The following UFD1 variants were observed in gnomAD, a reference collection of about 807,000 sequenced individuals.
UFD1 encodes ubiquitin recognition factor in ER associated degradation 1.
Under a neutral mutation model 45.9 loss-of-function variants are expected in UFD1, and 13 were observed. The ratio of observed to expected loss-of-function variants is 0.28; its 90% confidence interval spans 0.18 to 0.45. UFD1 has a LOEUF of 0.45. Among genes scored for constraint, UFD1 ranks in the 20% least tolerant of loss-of-function variants. The probability of loss-of-function intolerance (pLI) is 1.00; values close to 1 mark genes in which losing one functional copy is unlikely to be tolerated. For missense variants in UFD1, 218 were observed against 389.2 expected, an observed-to-expected ratio of 0.56 and a Z score of 3.70; for synonymous variants, 128 against 139.2, an observed-to-expected ratio of 0.92 and a Z score of 0.56.
At chr22:19,469,949 C>A (rs1218495508) in intron 4 of UFD1, 1 of 518,690 alleles carries the variant, frequency 1.9e-6, no homozygotes, top group Admixed American at 1.9e-5. Flanking sequence ...TAAAGGAGAA[C>A]CTTCGAGATA....
Position 19,467,913 on chromosome 22 carries a change from G to C in UFD1, c.382C>G (p.Gln128Glu). The change falls in exon 5 of 12, where the codon CAG (glutamine) becomes GAG (glutamate). Residue 128 changes from glutamine (Q) to glutamate (E), a missense_variant. Around this residue, in one of 2 missense-constraint regions of UFD1, gnomAD observed 149 missense variants for 307.5 expected, o/e 0.48. Transcript: ENST00000263202. ...QVATYSKFQP[Q>E]SPDFLDITNP... ...GTGATGTCCAGGAAGTCAGGGCTCTGAGGTTGGAATTTGGAGTAGGTGGCC... is the reference window on the plus strand; with the variant it reads ...GTGATGTCCAGGAAGTCAGGGCTCTCAGGTTGGAATTTGGAGTAGGTGGCC... 1.9e-6 allele frequency: 3 copies of C among 1,614,198 alleles called. No homozygotes were observed. The highest frequency in any genetic ancestry group is 1.7e-6 in the Non-Finnish European group (2 of 1,180,034).
chr22:19,478,058 C>A (rs1378182546), intron 1 of UFD1, among the ~76,000 whole-genome samples: 2 of 152,146 alleles, frequency 1.3e-5, no homozygotes, highest in African/African-American at 4.8e-5. Flanking sequence ...CCTATGTAAG[C>A]CATTTCTTCT....
At chr22:19,453,840 ACAT>A (rs1466128707) in intron 11 of UFD1, 2 of 985,384 alleles carry the variant, frequency 2.0e-6, no homozygotes, top group Non-Finnish European at 2.4e-6. Flanking sequence ...GTGGCTCAGT[ACAT>A]CTGCCCTCTG....
chr22:19,469,644 C>T (rs374989026), intron 4 of UFD1, among the ~76,000 whole-genome samples: 2 of 152,292 alleles, frequency 1.3e-5, no homozygotes, highest in African/African-American at 4.8e-5. Context: ...CAGGCTGGCT[C>T]GCCCTGAAGA....
intron 10 of UFD1, 84 bp from the exon 11 acceptor site, chr22:19,454,914 G>T: frequency 6.8e-7 from 1 of 1,462,088 alleles, no homozygotes; most frequent in Non-Finnish European, 9.1e-7. Flanking sequence ...GAGGAACGCA[G>T]AAAAGATGCT....
At chr22:19,454,185 C>A (rs140846571) in intron 11 of UFD1, 23,124 of 987,146 alleles carry the variant, frequency 0.023, 292 homozygotes, top group Middle Eastern at 0.034. Context: ...GAGCTCCTGA[C>A]CCCCATGCTG....
chr22:19,458,694 C>T (rs769787988), intron 6 of UFD1, among the ~76,000 whole-genome samples: 1 of 152,076 alleles, frequency 6.6e-6, no homozygotes, highest in Non-Finnish European at 1.5e-5. Flanking sequence ...CCGCCCACCT[C>T]GGCCACACAA....
At chr22:19,468,101 C>G in intron 4 of UFD1, 98 bp from the exon 5 acceptor site, 3 of 1,494,608 alleles carry the variant, frequency 2.0e-6, no homozygotes, top group Non-Finnish European at 2.7e-6. Flanking sequence ...TACTTGGGTC[C>G]TTGGAAGAGG....
chr22:19,473,209 T>C (rs2089858353), intron 3 of UFD1, among the ~76,000 whole-genome samples: 1 of 152,148 alleles, frequency 6.6e-6, no homozygotes, highest in African/African-American at 2.4e-5. Flanking sequence ...GGGTCTGAGA[T>C]TGTTGCAAGT....
At chr22:19,472,556 A>G (rs1260043918) in intron 3 of UFD1, among the ~76,000 whole-genome samples, 1 of 152,164 alleles carries the variant, frequency 6.6e-6, no homozygotes, top group Admixed American at 6.5e-5. Context: ...TGACGTGCTG[A>G]CCCAAGAGGT....
At position 19,475,506 on chromosome 22, in the gene UFD1, G is replaced by A; in HGVS notation, c.100C>T (p.Pro34Ser). The change falls in exon 2 of 12, where the codon CCT becomes TCT. Residue 34 changes from proline (P) to serine (S), a missense_variant. Transcript: ENST00000263202. ...TTCTCCACATCTGACCTGTCATTAG[G>A]CCCTGCTAGCATGGACACAGAGAAG... ...RCFSVSMLAG[P>S]NDRSDVEKGG... 2 of 1,614,064 alleles carry A rather than the reference G, an allele frequency of 1.2e-6. No individual in the cohort carries two copies. The highest frequency in any genetic ancestry group is 1.7e-6 in the Non-Finnish European group (2 of 1,179,982).
At chr22:19,478,546 G>A (rs2089910937) in intron 1 of UFD1, among the ~76,000 whole-genome samples, 1 of 152,176 alleles carries the variant, frequency 6.6e-6, no homozygotes. Context: ...GTTAAAAGCT[G>A]TGTAACAGGA....
chr22:19,472,550 G>A (rs765894698), intron 3 of UFD1, among the ~76,000 whole-genome samples: 1 of 152,202 alleles, frequency 6.6e-6, no homozygotes, highest in Non-Finnish European at 1.5e-5. Context: ...GACTGGTGAC[G>A]TGCTGACCCA....
rs780815251 is a variant in UFD1 at position 19,475,536 on chromosome 22, G to A, written c.70C>T (p.Arg24Cys). Residue 24 changes from arginine (R) to cysteine (C), a missense_variant, in exon 2 of 12, where the codon CGC (arginine) becomes TGC (cysteine). By Grantham distance (180) the Arg-to-Cys change is radical (BLOSUM62 -3). Transcript: ENST00000263202. The part of the protein sequence containing the change: ...VFQNRFSTQY[R>C]CFSVSMLAGP... ...GCTAGCATGGACACAGAGAAGCAGCGGTACTGTGTGGAGAAGCGGTTTTGG... is the reference window on the plus strand; with the variant it reads ...GCTAGCATGGACACAGAGAAGCAGCAGTACTGTGTGGAGAAGCGGTTTTGG... 1.2e-5 allele frequency: 19 copies of A among 1,614,160 alleles called. No individual in the cohort carries two copies. Among genetic ancestry groups the A allele is most frequent in the Admixed American group, 1.7e-5 (1 of 60,022 alleles).
intron 5 of UFD1, chr22:19,466,076 G>A (rs1392717023): frequency 2.0e-5 from 3 of 152,240 alleles, no homozygotes. Context: ...CAACTTGAGG[G>A]TGAAAGGGTG....
chr22:19,476,174 C>G (rs2089879771), intron 1 of UFD1, among the ~76,000 whole-genome samples: 1 of 152,084 alleles, frequency 6.6e-6, no homozygotes, highest in South Asian at 2.1e-4. Context: ...CCTGGGAATG[C>G]TATTTTAAAT....
intron 5 of UFD1, chr22:19,466,638 T>G (rs6518551): frequency 0.062 from 9,482 of 152,316 alleles, 547 homozygotes; most frequent in African/African-American, 0.15. Flanking sequence ...GAGACCAGCT[T>G]AGGCAACATG....
intron 1 of UFD1, among the ~76,000 whole-genome samples, chr22:19,478,484 C>A (rs1243717062): frequency 6.6e-6 from 1 of 152,158 alleles, no homozygotes; most frequent in Non-Finnish European, 1.5e-5. Flanking sequence ...TCCTTGCTTC[C>A]AAAGGGATTG....
chr22:19,452,148 C>T (rs1756545781), intron 11 of UFD1: 1 of 167,742 alleles, frequency 6.0e-6, no homozygotes, highest in African/African-American at 2.4e-5. Flanking sequence ...GAAATTTATT[C>T]TTCATAGTTT....
Sources: allele counts gnomAD v4.1 joint callset (sites outside exome capture counted in the v4.1 genomes callset), GRCh38; gene constraint gnomAD v4.1.1; regional missense constraint gnomAD v4.1.1; transcripts MANE v1.5; gene names NCBI Gene and HGNC (gene_info 2026-07-23, HGNC 2026-07-21).